The following CADM2 variants were observed in gnomAD, a reference collection of about 807,000 sequenced individuals.
The protein encoded by CADM2 is immunoglobulin superfamily member 4D.
Under a neutral mutation model 49.8 loss-of-function variants are expected in CADM2, and 12 were observed. The observed-to-expected ratio is 0.24, with a 90% confidence interval of 0.15 to 0.39. The LOEUF is 0.39. Ranked by LOEUF, CADM2 falls within the 10% of genes least tolerant of loss-of-function variation. The pLI is 1.00. For synonymous variants in CADM2, 214 were observed against 175.4 expected (o/e 1.22, Z -1.74); for missense variants, 378 against 492.3 (o/e 0.77, Z 2.20).
intron 1 of CADM2, among the ~76,000 whole-genome samples, chr3:85,358,830 G>T (rs9814516): frequency 0.27 from 41,530 of 151,982 alleles, 5,990 homozygotes; most frequent in South Asian, 0.34. Flanking sequence ...TTGTTTTAGT[G>T]GCTGGTTAAC....
intron 1 of CADM2, among the ~76,000 whole-genome samples, chr3:85,377,970 T>A (rs2107344017): frequency 6.6e-6 from 1 of 152,206 alleles, no homozygotes; most frequent in South Asian, 2.1e-4. Context: ...AAGATAGTAA[T>A]GAATATTGTG....
At chr3:85,361,349 T>A (rs966137026) in intron 1 of CADM2, among the ~76,000 whole-genome samples, 17 of 152,274 alleles carry the variant, frequency 1.1e-4, no homozygotes, top group African/African-American at 4.1e-4. Flanking sequence ...AGTTTCTGAT[T>A]GGTACACAGT....
chr3:86,007,130 C>T (rs1403529593), intron 8 of CADM2, among the ~76,000 whole-genome samples: 6 of 133,262 alleles, frequency 4.5e-5, no homozygotes, highest in Non-Finnish European at 9.5e-5. Flanking sequence ...CATTATCTCT[C>T]TACCACAATC....
intron 1 of CADM2, among the ~76,000 whole-genome samples, chr3:85,702,894 A>C (rs1023730272): frequency 1.3e-5 from 2 of 152,242 alleles, no homozygotes; most frequent in African/African-American, 4.8e-5. Context: ...ACATGACACT[A>C]CTAAATGTTT....
intron 1 of CADM2, among the ~76,000 whole-genome samples, chr3:85,407,592 C>T (rs1048578909): frequency 2.6e-5 from 4 of 151,962 alleles, no homozygotes; most frequent in Non-Finnish European, 5.9e-5. Context: ...CTTTTTGCTC[C>T]GAAGGAAAGT....
At chr3:85,804,478 T>G (rs999054787) in intron 3 of CADM2, among the ~76,000 whole-genome samples, 7 of 152,170 alleles carry the variant, frequency 4.6e-5, no homozygotes, top group Non-Finnish European at 8.8e-5. Flanking sequence ...TTAGAACATT[T>G]TTTGTTGTTG....
intron 1 of CADM2, among the ~76,000 whole-genome samples, chr3:85,402,524 G>T (rs975442570): frequency 5.9e-5 from 9 of 151,642 alleles, no homozygotes; most frequent in African/African-American, 1.9e-4. Context: ...GGTCGCAAAA[G>T]AATATTTTTC....
At chr3:85,892,018 A>C (rs1421954848) in intron 5 of CADM2, among the ~76,000 whole-genome samples, 2 of 152,312 alleles carry the variant, frequency 1.3e-5, no homozygotes, top group East Asian at 3.9e-4. Flanking sequence ...AGAGAGACAG[A>C]ATATTTTTTC....
intron 2 of CADM2, among the ~76,000 whole-genome samples, chr3:85,776,340 C>CACACAG (rs2070359724): frequency 6.7e-6 from 1 of 149,432 alleles, no homozygotes; most frequent in Admixed American, 6.6e-5. Flanking sequence ...CTCTCTTACA[C>CACACAG]ACACACACAC....
At chr3:85,421,027 C>G (rs1005244224) in intron 1 of CADM2, among the ~76,000 whole-genome samples, 1 of 151,896 alleles carries the variant, frequency 6.6e-6, no homozygotes, top group Non-Finnish European at 1.5e-5. Flanking sequence ...CAGTCTTCAC[C>G]CAAAGCACAG....
chr3:85,592,062 T>C (rs1488379885), intron 1 of CADM2, among the ~76,000 whole-genome samples: 1 of 152,020 alleles, frequency 6.6e-6, no homozygotes, highest in Non-Finnish European at 1.5e-5. Flanking sequence ...TATTTAAAAA[T>C]AATGTAAAGA....
At chr3:86,063,799 C>T (rs1049069361) in intron 8 of CADM2, among the ~76,000 whole-genome samples, 1 of 152,124 alleles carries the variant, frequency 6.6e-6, no homozygotes, top group Non-Finnish European at 1.5e-5. Flanking sequence ...TAATTTACTT[C>T]TTTACTTTCA....
chr3:85,095,864 C>G (rs1002773902), intron 1 of CADM2, among the ~76,000 whole-genome samples: 5 of 152,024 alleles, frequency 3.3e-5, no homozygotes, highest in Non-Finnish European at 7.4e-5. Flanking sequence ...AACTCACAGG[C>G]CCAATTATGA....
intron 1 of CADM2, among the ~76,000 whole-genome samples, chr3:85,455,268 T>C (rs2037939030): frequency 6.6e-6 from 1 of 152,216 alleles, no homozygotes. Flanking sequence ...AAAGGATATT[T>C]AAGGAAACAT....
intron 1 of CADM2, among the ~76,000 whole-genome samples, chr3:85,649,866 A>G (rs981373148): frequency 2.6e-5 from 4 of 152,160 alleles, no homozygotes; most frequent in African/African-American, 4.8e-5. Flanking sequence ...GTATCACATT[A>G]TATGAAGGAC....
intron 1 of CADM2, among the ~76,000 whole-genome samples, chr3:85,141,931 G>A (rs1344819369): frequency 6.6e-6 from 1 of 152,128 alleles, no homozygotes; most frequent in Admixed American, 6.6e-5. Flanking sequence ...GTCTAATATG[G>A]GTTGGAAAAG....
chr3:85,094,130 T>C (rs1159000912), intron 1 of CADM2, among the ~76,000 whole-genome samples: 1 of 152,132 alleles, frequency 6.6e-6, no homozygotes, highest in Non-Finnish European at 1.5e-5. Context: ...GCCGAGCCAA[T>C]ACAATGTAGA....
chr3:85,302,486 C>G (rs1358989398), intron 1 of CADM2, among the ~76,000 whole-genome samples: 2 of 151,938 alleles, frequency 1.3e-5, no homozygotes, highest in Non-Finnish European at 2.9e-5. Context: ...CTAATGTTTC[C>G]CTACATATTC....
intron 3 of CADM2, among the ~76,000 whole-genome samples, chr3:85,860,128 G>T (rs1316974441): frequency 6.6e-6 from 1 of 152,060 alleles, no homozygotes; most frequent in Non-Finnish European, 1.5e-5. Context: ...AAACATGATT[G>T]AACATTATAT....
Sources: allele counts gnomAD v4.1 joint callset (sites outside exome capture counted in the v4.1 genomes callset), GRCh38; gene constraint gnomAD v4.1.1; transcripts MANE v1.5; gene names NCBI Gene and HGNC (gene_info 2026-07-23, HGNC 2026-07-21).